MAP4: variants seen among roughly 807,000 people sequenced by gnomAD.
The protein encoded by MAP4 is microtubule-associated protein 4.
A neutral mutation model predicts 170.2 loss-of-function variants in MAP4; 76 were observed. The ratio of observed to expected loss-of-function variants is 0.45; its 90% CI spans 0.37 to 0.54. The LOEUF (loss-of-function observed/expected upper bound fraction) is 0.54, where lower values mean the gene tolerates loss of function less well. MAP4 is among the 20% of genes least tolerant of loss of function. The pLI is 0.00. For synonymous variants in MAP4, 909 were observed against 994.5 expected (o/e 0.91, Z 1.62); for missense variants, 2,506 against 2,748.0 (o/e 0.91, Z 1.97).
intron 10 of MAP4, among the ~76,000 whole-genome samples, chr3:47,885,043 GA>G (rs1278605042): frequency 6.6e-6 from 1 of 152,188 alleles, no homozygotes; most frequent in Admixed American, 6.5e-5. Flanking sequence ...CACTGCTGGG[GA>G]TGGGTAGTGA....
intron 2 of MAP4, among the ~76,000 whole-genome samples, chr3:47,980,780 T>C (rs73087150): frequency 0.015 from 2,335 of 152,290 alleles, 32 homozygotes; most frequent in Non-Finnish European, 0.023. Flanking sequence ...ATTCACACAA[T>C]AAGCTTATAA....
chr3:47,890,981 G>C, intron 10 of MAP4: 2 of 1,412,194 alleles, frequency 1.4e-6, no homozygotes, highest in South Asian at 3.0e-5. Flanking sequence ...TTCCTTCCTT[G>C]CTGTCTGCTT....
intron 1 of MAP4, among the ~76,000 whole-genome samples, chr3:48,081,601 C>T (rs1247694597): frequency 1.3e-5 from 2 of 151,912 alleles, no homozygotes; most frequent in African/African-American, 4.8e-5. Context: ...GAGAAAGAAG[C>T]AAGGAAGAGA....
At chr3:47,875,947 C>A in intron 11 of MAP4, 47 bp from the exon 12 acceptor site, 1 of 1,273,988 alleles carries the variant, frequency 7.8e-7, no homozygotes, top group Middle Eastern at 2.0e-4. Flanking sequence ...TTTTAAAGGG[C>A]AACATCAAAC....
intron 10 of MAP4, chr3:47,891,207 C>T: frequency 6.5e-7 from 1 of 1,536,146 alleles, no homozygotes; most frequent in Non-Finnish European, 8.7e-7. Context: ...CTGCTTCCTT[C>T]AGGAATCTGC....
intron 3 of MAP4, among the ~76,000 whole-genome samples, chr3:47,949,112 C>T (rs2100061986): frequency 6.6e-6 from 1 of 152,158 alleles, no homozygotes; most frequent in South Asian, 2.1e-4. Context: ...ATTCAACTAT[C>T]CCTTAAGTAC....
At chr3:48,062,571 AAAT>A (rs1168307381) in intron 1 of MAP4, among the ~76,000 whole-genome samples, 8 of 150,912 alleles carry the variant, frequency 5.3e-5, no homozygotes, top group South Asian at 2.1e-4. Context: ...ATTAAAAATA[AAAT>A]AATGTTTAAA....
intron 10 of MAP4, among the ~76,000 whole-genome samples, chr3:47,897,660 C>T (rs2100027631): frequency 1.3e-5 from 2 of 151,818 alleles, no homozygotes; most frequent in Admixed American, 6.6e-5. Context: ...TGTTTGAGGC[C>T]GGGAGTAGTG....
chr3:47,881,468 ATAT>A (rs2096722318), intron 10 of MAP4, among the ~76,000 whole-genome samples: 3 of 68,786 alleles, frequency 4.4e-5, no homozygotes, highest in Non-Finnish European at 9.8e-5. Flanking sequence ...ATATATATAT[ATAT>A]ATATATATAT....
Position 47,911,356 on chromosome 3 carries a change from G to A in MAP4, c.3065C>T (p.Pro1022Leu), listed in dbSNP as rs1359035815. 2 of 1,535,922 alleles carry A rather than the reference G, an allele frequency of 1.3e-6. No homozygotes were observed. Among genetic ancestry groups the A allele is most frequent in the Admixed American group, 2.0e-5 (1 of 50,930 alleles). Residue 1022 changes from proline (P) to leucine (L), a missense_variant, in exon 9 of 21, where the codon CCC (proline) becomes CTC (leucine). Around this residue, in one of 3 missense-constraint regions of MAP4, gnomAD observed 2,008 missense variants for 2,206.0 expected, o/e 0.91. Coordinates refer to ENST00000683076, the MANE Select transcript of MAP4 (RefSeq NM_001385682.1). The surrounding 1 kb of genome is among the most constrained non-coding windows in gnomAD (Gnocchi z 4.0). ...EDKELKKEAF[P>L]NERQEISIFT... ...GATGCTGATCTCTTGTCTTTCGTTG[G>A]GAAAAGCTTCCTTTTTTAGTTCTTT...
intron 1 of MAP4, among the ~76,000 whole-genome samples, chr3:48,004,296 C>G (rs986185802): frequency 6.6e-6 from 1 of 152,066 alleles, no homozygotes; most frequent in African/African-American, 2.4e-5. Context: ...TAGTCCTTGG[C>G]GTGAACTATT....
At chr3:47,859,401 TATA>T (rs2062008688) in intron 17 of MAP4, among the ~76,000 whole-genome samples, 1 of 152,258 alleles carries the variant, frequency 6.6e-6, no homozygotes, top group East Asian at 1.9e-4. Context: ...AGAGGACAGA[TATA>T]ATGCCACCAG....
chr3:47,980,343 A>T lies in MAP4; in HGVS notation c.224-2410T>A, dbSNP rs2100084769. Among the ~76,000 whole-genome samples, 3 of 152,202 alleles carry T rather than the reference A, an allele frequency of 2.0e-5. 1 individual carries two copies. The South Asian group carries it at 6.2e-4, about 32-fold the overall frequency. ...TAGCAACCAGCCTAGCTCTGCAGTC[A>T]CCTTGCTGACCGAAGAATTCAGAGA... On this transcript the variant is annotated intron_variant, in intron 2 of 20. Transcript: ENST00000683076.
chr3:47,913,126 G>A (rs2100036801), intron 8 of MAP4, among the ~76,000 whole-genome samples: 1 of 152,142 alleles, frequency 6.6e-6, no homozygotes, highest in Non-Finnish European at 1.5e-5. Flanking sequence ...ATAATGTTAA[G>A]TAGGATAATT....
chr3:47,930,451 CAA>C (rs1310181534), intron 3 of MAP4, among the ~76,000 whole-genome samples: 2 of 94,748 alleles, frequency 2.1e-5, no homozygotes, highest in Non-Finnish European at 2.1e-5. Flanking sequence ...GACTCCGTCT[CAA>C]AAAAAAAAAC....
At chr3:48,074,646 T>A (rs2100142789) in intron 1 of MAP4, among the ~76,000 whole-genome samples, 1 of 132,966 alleles carries the variant, frequency 7.5e-6, no homozygotes. Context: ...GTAGCTAGGA[T>A]TACAGGGGCA....
At chr3:47,908,221 G>A (rs551444467) in intron 9 of MAP4, among the ~76,000 whole-genome samples, 38 of 151,866 alleles carry the variant, frequency 2.5e-4, no homozygotes, top group South Asian at 6.2e-4. Context: ...ATTGGGGGTG[G>A]GGGGAAACGG....
chr3:47,957,230 C>G (rs557838699), intron 3 of MAP4, among the ~76,000 whole-genome samples: 2 of 152,168 alleles, frequency 1.3e-5, no homozygotes, highest in East Asian at 1.9e-4. Flanking sequence ...TGCAGTGGCA[C>G]GATCTTGTCT....
At chr3:48,043,247 C>T (rs1207208020) in intron 1 of MAP4, among the ~76,000 whole-genome samples, 3 of 152,092 alleles carry the variant, frequency 2.0e-5, no homozygotes, top group East Asian at 1.9e-4. Flanking sequence ...ATTACAGGCA[C>T]GTGTCGCCAT....
Sources: gnomAD v4.1 joint callset for allele counts (sites outside exome capture counted in the v4.1 genomes callset) on GRCh38, gnomAD v4.1.1 for gene constraint, gnomAD v4.1.1 regional missense constraint, Gnocchi (gnomAD v3.1) non-coding constraint, MANE v1.5 for transcripts, NCBI Gene and HGNC (gene_info 2026-07-23, HGNC 2026-07-21) for gene names.